The following ZBTB8B variants were observed in gnomAD, a reference collection of about 807,000 sequenced individuals.
ZBTB8B encodes zinc finger and BTB domain-containing protein 8B.
ZBTB8B carries 17 observed loss-of-function variants against 30.3 expected under a neutral mutation model. That is an observed-to-expected ratio of 0.56 (90% confidence interval 0.38 to 0.84). ZBTB8B has a LOEUF of 0.84. Ranked by LOEUF, ZBTB8B falls within the 40% of genes least tolerant of loss-of-function variation. ZBTB8B has a pLI of 0.00. For missense variants in ZBTB8B, 515 were observed against 644.9 expected (o/e 0.80, Z 2.18); for synonymous variants, 248 against 255.6 (o/e 0.97, Z 0.28).
chr1:32,476,162 G>T (rs976033154), intron 2 of ZBTB8B, among the ~76,000 whole-genome samples: 2 of 151,754 alleles, frequency 1.3e-5, no homozygotes, highest in African/African-American at 4.8e-5. Flanking sequence ...TTGAGACAGG[G>T]TCTCACGCTG....
intron 2 of ZBTB8B, among the ~76,000 whole-genome samples, chr1:32,478,755 T>G (rs1643682484): frequency 6.6e-6 from 1 of 152,154 alleles, no homozygotes. Flanking sequence ...ACTTTCACAT[T>G]CAGTTTAGTG....
intron 3 of ZBTB8B, among the ~76,000 whole-genome samples, chr1:32,483,441 AAAC>A (rs999514115): frequency 2.0e-5 from 3 of 151,506 alleles, no homozygotes; most frequent in Admixed American, 6.6e-5. Flanking sequence ...AACAAAACAA[AAAC>A]AACAACAAAA....
intron 1 of ZBTB8B, among the ~76,000 whole-genome samples, chr1:32,468,799 T>G (rs1330038005): frequency 6.7e-6 from 1 of 150,234 alleles, no homozygotes; most frequent in African/African-American, 2.5e-5. Context: ...AGGCGGAGGT[T>G]GCAGTGAGCC....
intron 2 of ZBTB8B, among the ~76,000 whole-genome samples, chr1:32,473,388 A>G (rs1390977628): frequency 1.3e-5 from 2 of 152,162 alleles, no homozygotes; most frequent in African/African-American, 4.8e-5. Context: ...ATTGCAGTCT[A>G]GTAGTGAAAT....
intron 2 of ZBTB8B, among the ~76,000 whole-genome samples, chr1:32,480,524 C>G (rs1276275674): frequency 6.6e-6 from 1 of 152,150 alleles, no homozygotes; most frequent in African/African-American, 2.4e-5. Context: ...TGAAACCAAA[C>G]AGAATAAACA....
rs1160579113 is a variant in ZBTB8B at position 32,492,866 on chromosome 1, A to G, written c.*7448A>G. On this transcript the variant is annotated 3_prime_UTR_variant, in exon 4 of 4. Transcript: ENST00000609129. ...TGGGTGTGACAACAGGGACAAGCAC[A>G]GGGTACTCTGAGAACGCGTGGGTCG... is the stretch of plus-strand genomic sequence containing the variant. The G allele has an allele frequency of 6.6e-6, 1 of 152,176 alleles. No individual in the cohort carries two copies. Among genetic ancestry groups the G allele is most frequent in the Non-Finnish European group, 1.5e-5 (1 of 68,044 alleles). 9.4% of individuals were successfully genotyped at this position (152,176 alleles called of 1,614,324 possible).
chr1:32,480,469 G>T (rs962259917), intron 2 of ZBTB8B, among the ~76,000 whole-genome samples: 1 of 152,106 alleles, frequency 6.6e-6, no homozygotes, highest in African/African-American at 2.4e-5. Flanking sequence ...ATTTTAGGGG[G>T]ACACAATTAA....
rs1474966293 is a variant in ZBTB8B, at chr1:32,483,242, TCCAAAAAAAAAAAAAA to T, written c.1171-1858_1171-1843del. 7.4e-3 allele frequency among the ~76,000 whole-genome samples: 246 copies of T among 33,104 alleles called. 3 individuals carry two copies. The highest frequency in any genetic ancestry group is 0.031 in the African/African-American group (232 of 7,492). The allele number at this position is 33,104 out of a possible 152,430, so 21.7% of individuals were successfully genotyped here. ...GGCGAAACCCCTTATCTACTAAAAA[TCCAAAAAAAAAAAAAA>T]AAAAAAAAAAAAAAAAATTAGCCAG... On this transcript the variant is annotated intron_variant, in intron 3 of 3. Transcript: ENST00000609129.
chr1:32,482,153 T>G (rs1028012774), intron 3 of ZBTB8B, among the ~76,000 whole-genome samples: 6 of 151,922 alleles, frequency 3.9e-5, no homozygotes, highest in African/African-American at 7.2e-5. Context: ...AACGTGTTTT[T>G]TTGTTGTTGT....
Position 32,470,887 on chromosome 1 carries a change from T to A in ZBTB8B, c.263T>A (p.Leu88Ter). Residue 88 changes from leucine (L) to a stop codon, truncating the protein, a stop_gained, in exon 2 of 4, where the codon TTG (leucine) becomes TAG (stop). Coordinates refer to ENST00000609129, the MANE Select transcript of ZBTB8B (RefSeq NM_001145720.2). LOFTEE classifies it high-confidence loss of function. ...TTAGATTTCCTCTATTCTGGGAAGT[T>A]GGATTTGTGTGGGGAGAATGTGATT... ...IILDFLYSGK[L>*]DLCGENVIEV... 1 of 1,552,004 alleles carries A rather than the reference T, an allele frequency of 6.4e-7. No homozygotes were observed. Among genetic ancestry groups the A allele is most frequent in the South Asian group, 1.2e-5 (1 of 84,064 alleles).
Position 32,487,844 on chromosome 1 carries a change from AT to A in ZBTB8B, c.*2427del, listed in dbSNP as rs980534222. The A allele has an allele frequency of 4.8e-4, 72 of 151,542 alleles. No homozygotes were observed. The highest frequency in any genetic ancestry group is 1.7e-3 in the African/African-American group (71 of 41,346). The allele number at this position is 151,542 out of a possible 1,614,324, so 9.4% of individuals were successfully genotyped here. A position where few individuals can be genotyped will look rare whatever the true frequency, so the allele number is the denominator to read the frequency against. On this transcript the variant is annotated 3_prime_UTR_variant, in exon 4 of 4. Coordinates refer to ENST00000609129, the MANE Select transcript of ZBTB8B (RefSeq NM_001145720.2). ...CAGTGTGAGACCTTGTCTCAAAAAA[AT>A]AATAATAAAATAAATAAATAAAAGA...
At chr1:32,466,381 TA>T (rs1643570392) in intron 1 of ZBTB8B, among the ~76,000 whole-genome samples, 1 of 152,188 alleles carries the variant, frequency 6.6e-6, no homozygotes, top group Admixed American at 6.5e-5. Flanking sequence ...TCAGGCATTG[TA>T]TGTAGCCGGT....
intron 3 of ZBTB8B, 29 bp downstream of exon 3, chr1:32,481,098 T>A: frequency 6.6e-7 from 1 of 1,522,236 alleles, no homozygotes; most frequent in South Asian, 1.3e-5. Flanking sequence ...CATGCCCTTG[T>A]GGCAAGAGCT....
chr1:32,481,493 G>A (rs1051662247), intron 3 of ZBTB8B, among the ~76,000 whole-genome samples: 1 of 151,972 alleles, frequency 6.6e-6, no homozygotes, highest in African/African-American at 2.4e-5. Flanking sequence ...AGCTACCTGT[G>A]GGCAGCAGAC....
At chr1:32,476,834 G>C (rs1643668072) in intron 2 of ZBTB8B, among the ~76,000 whole-genome samples, 1 of 151,816 alleles carries the variant, frequency 6.6e-6, no homozygotes, top group Non-Finnish European at 1.5e-5. Context: ...TAAAGTCCAA[G>C]TTTCTCAGCA....
chr1:32,468,185 G>T (rs1643587784), intron 1 of ZBTB8B, among the ~76,000 whole-genome samples: 1 of 151,882 alleles, frequency 6.6e-6, no homozygotes, highest in South Asian at 2.1e-4. Flanking sequence ...AACCAAAAAG[G>T]AACTTAATTG....
Position 32,492,184 on chromosome 1 carries a change from G to A in ZBTB8B, c.*6766G>A, listed in dbSNP as rs565953626. 5.3e-5 allele frequency: 8 copies of A among 151,954 alleles called. No individual in the cohort carries two copies. Among genetic ancestry groups the A allele is most frequent in the Admixed American group, 1.3e-4 (2 of 15,244 alleles). The allele number at this position is 151,954 out of a possible 1,614,324, so 9.4% of individuals were successfully genotyped here. ...TCATAATAGGTGAGTATAGTATGTC[G>A]TACTGTAGGGACATTATTGAATGGA... On this transcript the variant is annotated 3_prime_UTR_variant, in exon 4 of 4. Transcript: ENST00000609129.
At position 32,496,358 on chromosome 1, in the gene ZBTB8B, C is replaced by T. The variant is rs1057199843; in HGVS notation, c.*10940C>T. Reference sequence around the variant, plus strand: ...CAGTTACACACTGTCCAACAGCTCTCGGAAGAAAAACAGAAACTGACTTTA... The same window carrying T: ...CAGTTACACACTGTCCAACAGCTCTTGGAAGAAAAACAGAAACTGACTTTA... On this transcript the variant is annotated 3_prime_UTR_variant, in exon 4 of 4. Transcript: ENST00000609129. 11 of 152,046 alleles carry T rather than the reference C, an allele frequency of 7.2e-5. No homozygotes were observed. Among genetic ancestry groups the T allele is most frequent in the South Asian group, 2.1e-4 (1 of 4,822 alleles). The allele number at this position is 152,046 out of a possible 1,614,324, so 9.4% of individuals were successfully genotyped here. A position where few individuals can be genotyped will look rare whatever the true frequency, so the allele number is the denominator to read the frequency against.
intron 2 of ZBTB8B, among the ~76,000 whole-genome samples, chr1:32,479,263 G>A (rs1268136338): frequency 6.6e-6 from 1 of 152,208 alleles, no homozygotes; most frequent in East Asian, 1.9e-4. Context: ...GGTGGCTCAT[G>A]CCTGTAATCC....
Sources: allele counts gnomAD v4.1 joint callset (sites outside exome capture counted in the v4.1 genomes callset), GRCh38; gene constraint gnomAD v4.1.1; transcripts MANE v1.5; gene names NCBI Gene and HGNC (gene_info 2026-07-23, HGNC 2026-07-21).